Variants in CDH23 observed in about 807,000 individuals in gnomAD.
The protein encoded by CDH23 is cadherin related 23.
In CDH23, 189 loss-of-function variants were observed where a neutral mutation model predicts 317.1. That is an observed-to-expected ratio of 0.60 (90% CI 0.53 to 0.67). The LOEUF (loss-of-function observed/expected upper bound fraction) is 0.67, where lower values mean the gene tolerates loss of function less well. Among genes scored for constraint, CDH23 ranks in the 30% least tolerant of loss-of-function variants. The pLI, the probability that CDH23 is intolerant of heterozygous loss-of-function variation, is 0.00. For missense variants in CDH23, 4,401 were observed against 4,592.4 expected (o/e 0.96, Z 1.20); for synonymous variants, 1,839 against 1,876.8 (o/e 0.98, Z 0.52).
chr10:71,623,149 T>A (rs1383775922), intron 11 of CDH23, among the ~76,000 whole-genome samples: 1 of 152,186 alleles, frequency 6.6e-6, no homozygotes, highest in Non-Finnish European at 1.5e-5. Flanking sequence ...GAAATGGATG[T>A]TCAGAACTCT....
chr10:71,497,989 C>A (rs746585858), intron 3 of CDH23, among the ~76,000 whole-genome samples: 93 of 152,338 alleles, frequency 6.1e-4, no homozygotes, highest in South Asian at 1.5e-3. Flanking sequence ...CTCCCCAGCA[C>A]GACACCCACA....
chr10:71,455,955 C>T (rs570402326), intron 3 of CDH23, among the ~76,000 whole-genome samples: 1 of 152,282 alleles, frequency 6.6e-6, no homozygotes, highest in South Asian at 2.1e-4. Context: ...TGACTTCGCA[C>T]ACCAGCTGCA....
At chr10:71,604,920 C>CG (rs34736526) in intron 9 of CDH23, among the ~76,000 whole-genome samples, 1 of 152,174 alleles carries the variant, frequency 6.6e-6, no homozygotes, top group African/African-American at 2.4e-5. Flanking sequence ...AAGACCAGGG[C>CG]GGGAAAGGCC....
At chr10:71,717,194 G>A (rs1382341721) in intron 28 of CDH23, 1 of 152,312 alleles carries the variant, frequency 6.6e-6, no homozygotes, top group Non-Finnish European at 1.5e-5. Context: ...ACAAGCCAGA[G>A]CTCACTCCTT....
chr10:71,698,997 A>C (rs1285878502), intron 22 of CDH23, among the ~76,000 whole-genome samples: 2 of 152,288 alleles, frequency 1.3e-5, no homozygotes, highest in African/African-American at 2.4e-5. Context: ...ACCCGATAGA[A>C]CTGTGATCAG....
Position 71,811,412 on chromosome 10 carries a change from C to T in CDH23, c.9175C>T (p.Pro3059Ser), listed in dbSNP as rs780514498. The change falls in exon 63 of 70, where the codon CCG becomes TCG. Residue 3059 changes from proline to serine, a missense_variant. Physicochemically the swap from Pro to Ser is moderately conservative, Grantham distance 74 (BLOSUM62 -1). This residue lies in a region of CDH23 where 1,144 missense variants were observed against 1,138.2 expected (regional missense o/e 1.01). Coordinates refer to ENST00000224721, the MANE Select transcript of CDH23 (RefSeq NM_022124.6). ...GCAGCCTGCCATCTCTGTCCGGCTG[C>T]CGGATGACATGTCTGCCCTGCAGGT... ...DVQPAISVRL[P>S]DDMSALQMAI... The T allele has an allele frequency of 1.2e-6, 2 of 1,613,978 alleles. No individual in the cohort carries two copies. Among genetic ancestry groups the T allele is most frequent in the Non-Finnish European group, 1.7e-6 (2 of 1,179,902 alleles).
At chr10:71,427,192 AAAG>A (rs1564572774) in intron 1 of CDH23, among the ~76,000 whole-genome samples, 1 of 69,224 alleles carries the variant, frequency 1.4e-5, no homozygotes, top group African/African-American at 6.2e-5. Flanking sequence ...GGAAGGAAGG[AAAG>A]AGAAAGAAAG....
At chr10:71,508,489 A>G (rs557965976) in intron 3 of CDH23, among the ~76,000 whole-genome samples, 1 of 152,204 alleles carries the variant, frequency 6.6e-6, no homozygotes, top group Non-Finnish European at 1.5e-5. Flanking sequence ...GGACTGAATT[A>G]GTGCATGGAA....
rs759793488 is a variant in CDH23, at chr10:71,779,427, T to C, written c.5348T>C (p.Ile1783Thr). 1.9e-6 allele frequency: 3 copies of C among 1,608,442 alleles called. No individual in the cohort carries two copies. The highest frequency in any genetic ancestry group is 2.6e-6 in the Non-Finnish European group (3 of 1,175,458). ...SGPNGQVEYS[I>T]MDGDPLGEFV... Reference sequence around the variant, plus strand: ...CCCAACGGGCAGGTGGAGTACAGCATCATGGATGGAGACCCTCTGGGTGAG... The same window carrying C: ...CCCAACGGGCAGGTGGAGTACAGCACCATGGATGGAGACCCTCTGGGTGAG... Residue 1783 changes from isoleucine to threonine, a missense_variant, in exon 41 of 70, where the codon ATC becomes ACC. This residue lies in a region of CDH23 where 3,068 missense variants were observed against 3,203.3 expected (regional missense o/e 0.96). Transcript: ENST00000224721.
chr10:71,438,362 A>AAAG (rs1849718878), intron 1 of CDH23, among the ~76,000 whole-genome samples: 2 of 151,020 alleles, frequency 1.3e-5, no homozygotes, highest in Admixed American at 6.6e-5. Context: ...AAAAAAAAAA[A>AAAG]AAAGAAAGAA....
chr10:71,467,926 C>T (rs1851331709), intron 3 of CDH23, among the ~76,000 whole-genome samples: 1 of 152,220 alleles, frequency 6.6e-6, no homozygotes, highest in South Asian at 2.1e-4. Context: ...ACCCTGGCCT[C>T]CTCAATTTTG....
intron 6 of CDH23, among the ~76,000 whole-genome samples, chr10:71,536,310 A>C (rs1193953705): frequency 6.6e-6 from 1 of 152,216 alleles, no homozygotes; most frequent in Non-Finnish European, 1.5e-5. Flanking sequence ...ACAGAGGAGC[A>C]GAAGGAGGAA....
At chr10:71,785,240 G>C in intron 43 of CDH23, 140 bp downstream of exon 43, 1 of 669,626 alleles carries the variant, frequency 1.5e-6, no homozygotes, top group Non-Finnish European at 2.5e-6. Flanking sequence ...ACCTCTGTGG[G>C]AAGCATGGAA....
intron 9 of CDH23, among the ~76,000 whole-genome samples, chr10:71,597,325 G>A (rs569690098): frequency 2.1e-4 from 32 of 152,080 alleles, no homozygotes; most frequent in Non-Finnish European, 2.1e-4. Flanking sequence ...CAGGGACCCG[G>A]ATATCATCCA....
At chr10:71,644,899 G>T (rs1234746877) in intron 12 of CDH23, among the ~76,000 whole-genome samples, 1 of 152,208 alleles carries the variant, frequency 6.6e-6, no homozygotes, top group East Asian at 1.9e-4. Context: ...GAGTCTGGGG[G>T]CGCAGGTGAT....
chr10:71,491,105 T>C (rs914668260), intron 3 of CDH23, among the ~76,000 whole-genome samples: 1 of 152,146 alleles, frequency 6.6e-6, no homozygotes, highest in Non-Finnish European at 1.5e-5. Flanking sequence ...ACCAAATGCA[T>C]CGATTGGGTG....
intron 11 of CDH23, among the ~76,000 whole-genome samples, chr10:71,625,953 C>G (rs186589316): frequency 2.4e-4 from 37 of 152,270 alleles, no homozygotes; most frequent in Non-Finnish European, 5.9e-5. Flanking sequence ...GGCTTTGACC[C>G]CAAGAGACAT....
intron 4 of CDH23, among the ~76,000 whole-genome samples, chr10:71,510,623 C>G (rs1465941810): frequency 1.3e-5 from 2 of 152,086 alleles, no homozygotes; most frequent in Admixed American, 1.3e-4. Context: ...ACATCCCCAA[C>G]CCTTACCCTC....
chr10:71,702,875 CAGAGGTAGAG>C (rs1394790042), intron 24 of CDH23, among the ~76,000 whole-genome samples, 181 bp downstream of exon 24: 1 of 152,050 alleles, frequency 6.6e-6, no homozygotes, highest in Non-Finnish European at 1.5e-5. Flanking sequence ...TGGGCAAAGG[CAGAGGTAGAG>C]AGAGGGAGAG....
Sources: gnomAD v4.1 joint callset for allele counts (sites outside exome capture counted in the v4.1 genomes callset) on GRCh38, gnomAD v4.1.1 for gene constraint, gnomAD v4.1.1 regional missense constraint, MANE v1.5 for transcripts, NCBI Gene and HGNC (gene_info 2026-07-23, HGNC 2026-07-21) for gene names.